Variants in NSMCE2 observed in about 807,000 individuals in gnomAD.
NSMCE2 encodes the protein E3 SUMO-protein ligase NSE2.
A neutral mutation model predicts 23.8 loss-of-function variants in NSMCE2; 24 were observed. The observed-to-expected ratio is 1.01, with a 90% CI of 0.73 to 1.42. The LOEUF is 1.42. Ranked by LOEUF, NSMCE2 falls within the 40% of genes most tolerant of loss-of-function variation. The pLI is 0.00. For missense variants in NSMCE2, 284 were observed against 296.5 expected (o/e 0.96, Z 0.31); for synonymous variants, 92 against 94.1 (o/e 0.98, Z 0.13).
chr8:125,177,929 T>C lies in NSMCE2; in HGVS notation c.265-4174T>C, dbSNP rs971406164. ...TTACAGTTTCAGTGATTTGTGCTGC[T>C]TTCCTCAAGACAATAGCATTTGACT... On this transcript the variant is annotated intron_variant, in intron 4 of 7. Transcript: ENST00000287437. 2.0e-5 allele frequency among the ~76,000 whole-genome samples: 3 copies of C among 152,220 alleles called. No homozygotes were observed. The East Asian group carries it at 5.8e-4, about 29-fold the overall frequency.
At chr8:125,164,071 A>T (rs76252523) in intron 4 of NSMCE2, among the ~76,000 whole-genome samples, 1 of 152,218 alleles carries the variant, frequency 6.6e-6, no homozygotes, top group East Asian at 1.9e-4. Flanking sequence ...CACAGGGCTT[A>T]CTTAAGCCAG....
chr8:125,311,088 G>A (rs1476539231), intron 5 of NSMCE2, among the ~76,000 whole-genome samples: 1 of 152,204 alleles, frequency 6.6e-6, no homozygotes, highest in African/African-American at 2.4e-5. Flanking sequence ...CTTTCAAACT[G>A]TGTTTGTGTA....
intron 5 of NSMCE2, among the ~76,000 whole-genome samples, chr8:125,236,164 T>G (rs1251572758): frequency 6.6e-6 from 1 of 152,204 alleles, no homozygotes; most frequent in Non-Finnish European, 1.5e-5. Context: ...TTTTTGCGCT[T>G]AACGTAGAAT....
chr8:125,172,170 T>C (rs1822251468), intron 4 of NSMCE2, among the ~76,000 whole-genome samples: 1 of 152,168 alleles, frequency 6.6e-6, no homozygotes, highest in African/African-American at 2.4e-5. Context: ...ACCTAGATAA[T>C]CTGGTTCCAG....
intron 5 of NSMCE2, among the ~76,000 whole-genome samples, chr8:125,355,157 C>CT (rs569664454): frequency 2.5e-4 from 38 of 152,322 alleles, no homozygotes; most frequent in African/African-American, 8.4e-4. Flanking sequence ...CCTGTAGTGC[C>CT]TTTGCAAACA....
chr8:125,237,512 A>G (rs1825608859), intron 5 of NSMCE2, among the ~76,000 whole-genome samples: 1 of 152,156 alleles, frequency 6.6e-6, no homozygotes, highest in Non-Finnish European at 1.5e-5. Flanking sequence ...AATCCTACAT[A>G]ATTAACTCCA....
chr8:125,102,266 C>A, intron 2 of NSMCE2, 51 bp from the exon 3 acceptor site: 1 of 1,171,154 alleles, frequency 8.5e-7, no homozygotes, highest in Non-Finnish European at 1.3e-6. Flanking sequence ...TTTTCCTGTG[C>A]AGTTATTATT....
chr8:125,357,203 C>T lies in NSMCE2; in HGVS notation c.419-16C>T. The T allele has an allele frequency of 6.6e-7, 1 of 1,520,112 alleles. No individual in the cohort carries two copies. Among genetic ancestry groups the T allele is most frequent in the East Asian group, 2.3e-5 (1 of 44,414 alleles). The allele number at this position is 1,520,112 out of a possible 1,614,324, so 94.2% of individuals were successfully genotyped here. ...GTTAGACCAGAGAGGCTTATCAACT[C>T]TCCATTTTCCTCTAGGTGGTCTTCA... On this transcript the variant is annotated splice_polypyrimidine_tract_variant and intron_variant, in intron 5 of 7. Coordinates refer to ENST00000287437, the MANE Select transcript of NSMCE2 (RefSeq NM_173685.4).
At chr8:125,113,966 C>T (rs1818880722) in intron 3 of NSMCE2, among the ~76,000 whole-genome samples, 1 of 152,016 alleles carries the variant, frequency 6.6e-6, no homozygotes, top group African/African-American at 2.4e-5. Flanking sequence ...TGGTTGTGAA[C>T]CAAAAGAAGT....
chr8:125,245,372 T>C (rs1332308580), intron 5 of NSMCE2, among the ~76,000 whole-genome samples: 1 of 152,144 alleles, frequency 6.6e-6, no homozygotes, highest in Non-Finnish European at 1.5e-5. Context: ...ACATCAAATA[T>C]TAACTGAAAT....
intron 5 of NSMCE2, among the ~76,000 whole-genome samples, chr8:125,317,992 A>G (rs893917631): frequency 4.6e-5 from 7 of 152,268 alleles, no homozygotes; most frequent in Non-Finnish European, 7.3e-5. Flanking sequence ...TCCTGCACAA[A>G]ATCTTACAAA....
intron 3 of NSMCE2, among the ~76,000 whole-genome samples, chr8:125,150,426 C>CTTTTTTTTTTTTTTTTTTTTTTTTTTT (rs71295819): frequency 8.9e-4 from 55 of 61,878 alleles, no homozygotes; most frequent in African/African-American, 1.2e-3. Context: ...TTCTTTCTTT[C>CTTTTTTTTTTTTTTTTTTTTTTTTTTT]TTTTTTTTTT....
At chr8:125,212,437 ATG>A (rs952495262) in intron 5 of NSMCE2, among the ~76,000 whole-genome samples, 4 of 152,142 alleles carry the variant, frequency 2.6e-5, no homozygotes, top group South Asian at 2.1e-4. Flanking sequence ...AGAGCCCGGT[ATG>A]TGCAGGAGGC....
chr8:125,294,438 A>G (rs1031280496), intron 5 of NSMCE2, among the ~76,000 whole-genome samples: 1 of 152,256 alleles, frequency 6.6e-6, no homozygotes, highest in Admixed American at 6.5e-5. Context: ...GAGGGTTCCA[A>G]TTGCTCCGCG....
rs1819642270 is a variant in NSMCE2, at chr8:125,129,195, G to A, written c.158-21976G>A. On this transcript the variant is annotated intron_variant, in intron 3 of 7. Coordinates refer to ENST00000287437, the MANE Select transcript of NSMCE2 (RefSeq NM_173685.4). ...GAGGGAATACGTGAAATGACAAGAAGGCCCGGGCCAGTGTCCTTAGGGTTT... is the reference window on the plus strand; with the variant it reads ...GAGGGAATACGTGAAATGACAAGAAAGCCCGGGCCAGTGTCCTTAGGGTTT... Among the ~76,000 whole-genome samples, 3 of 152,104 alleles carry A rather than the reference G, an allele frequency of 2.0e-5. No individual in the cohort carries two copies. The South Asian group carries it at 6.2e-4, about 32-fold the overall frequency.
chr8:125,283,253 A>C (rs1038036052), intron 5 of NSMCE2, among the ~76,000 whole-genome samples: 1 of 152,224 alleles, frequency 6.6e-6, no homozygotes, highest in African/African-American at 2.4e-5. Context: ...TGAACTTAGA[A>C]TCAGGAGATC....
At chr8:125,139,241 T>G (rs774706182) in intron 3 of NSMCE2, among the ~76,000 whole-genome samples, 6 of 152,234 alleles carry the variant, frequency 3.9e-5, no homozygotes, top group African/African-American at 4.8e-5. Flanking sequence ...AGTGTTTGCC[T>G]TATTCACCAC....
chr8:125,303,781 T>A (rs1461028483), intron 5 of NSMCE2, among the ~76,000 whole-genome samples: 1 of 152,200 alleles, frequency 6.6e-6, no homozygotes, highest in Non-Finnish European at 1.5e-5. Context: ...CAGGGATGAA[T>A]GATTCCCTCA....
chr8:125,211,586 T>A (rs1824348562), intron 5 of NSMCE2, among the ~76,000 whole-genome samples: 1 of 152,210 alleles, frequency 6.6e-6, no homozygotes, highest in African/African-American at 2.4e-5. Flanking sequence ...TAGGCCTGTA[T>A]CTGTAAGGTA....
Sources: allele counts gnomAD v4.1 joint callset (sites outside exome capture counted in the v4.1 genomes callset), GRCh38; gene constraint gnomAD v4.1.1; transcripts MANE v1.5; gene names NCBI Gene and HGNC (gene_info 2026-07-23, HGNC 2026-07-21).